The following ADARB2 variants were observed in gnomAD, a reference collection of about 807,000 sequenced individuals.
ADARB2 encodes the protein adenosine deaminase RNA specific B2 (inactive), also known as inactive double-stranded RNA-specific editase B2.
In ADARB2, 25 loss-of-function variants were observed where a neutral mutation model predicts 62.2. That is an observed-to-expected ratio of 0.40 (90% confidence interval 0.29 to 0.56). ADARB2 has a LOEUF of 0.56. ADARB2 is among the 20% of genes least tolerant of loss of function. The pLI is 0.43. For missense variants in ADARB2, 1,071 were observed against 1,077.4 expected (o/e 0.99, Z 0.08); for synonymous variants, 572 against 500.8 (o/e 1.14, Z -1.90).
intron 1 of ADARB2, among the ~76,000 whole-genome samples, chr10:1,564,605 T>C (rs1832831742): frequency 6.6e-6 from 1 of 152,028 alleles, no homozygotes; most frequent in African/African-American, 2.4e-5. Context: ...GCAAAGGTCA[T>C]GAACAGACAC....
At chr10:1,321,409 G>T (rs977484769) in intron 3 of ADARB2, among the ~76,000 whole-genome samples, 1 of 152,044 alleles carries the variant, frequency 6.6e-6, no homozygotes, top group South Asian at 2.1e-4. Context: ...TAGAGACAGG[G>T]TCTTCCTGTC....
chr10:1,284,582 A>G (rs942801685), intron 3 of ADARB2, among the ~76,000 whole-genome samples: 2 of 152,154 alleles, frequency 1.3e-5, no homozygotes, highest in African/African-American at 4.8e-5. Flanking sequence ...TATGTGAAGA[A>G]CCGTCCCATT....
intron 4 of ADARB2, among the ~76,000 whole-genome samples, chr10:1,262,316 T>TAATAATAATAAC (rs1432411152): frequency 3.6e-5 from 5 of 137,862 alleles, no homozygotes; most frequent in African/African-American, 1.5e-4. Context: ...ATAATAATAA[T>TAATAATAATAAC]AATAAAAGAA....
chr10:1,376,765 C>T (rs1050906963), intron 2 of ADARB2, among the ~76,000 whole-genome samples: 10 of 150,798 alleles, frequency 6.6e-5, no homozygotes, highest in African/African-American at 2.2e-4. Context: ...CAGCTCCAGC[C>T]GGGATCCCAG....
In ADARB2 at chr10:1,297,532, A is replaced by C. The variant is rs527249648; in HGVS notation, c.1078-26463T>G. Among the ~76,000 whole-genome samples, 8 of 152,216 alleles carry C rather than the reference A, an allele frequency of 5.3e-5. No homozygotes were observed. In the South Asian group the frequency reaches 1.5e-3, roughly 28 times the overall value. The stretch of plus-strand genomic sequence containing the variant: ...AAGACCACTGGCCGTTCAGACCCCG[A>C]AGAGCCCTCTGACCCAGAGACCCCC... On this transcript the variant is annotated intron_variant, in intron 3 of 9. Coordinates refer to ENST00000381312, the MANE Select transcript of ADARB2 (RefSeq NM_018702.4).
rs369929185 is a variant in ADARB2 at position 1,214,529 on chromosome 10, TG to T, written c.1682+2421del. On this transcript the variant is annotated intron_variant, in intron 7 of 9. Transcript: ENST00000381312. ...GTTTGCACCTGTACCCAGCGTCGCG[TG>T]GGTTTGCACCTGTGCCTGGACCTGC... Among the ~76,000 whole-genome samples, 94 of 152,064 alleles carry T rather than the reference TG, an allele frequency of 6.2e-4. 1 individual carries two copies. The South Asian group carries it at 0.012, about 19-fold the overall frequency.
intron 1 of ADARB2, among the ~76,000 whole-genome samples, chr10:1,550,529 G>A (rs904792768): frequency 3.3e-5 from 5 of 152,208 alleles, no homozygotes; most frequent in African/African-American, 4.8e-5. Flanking sequence ...GATGAAAGCC[G>A]ATGGCCCACA....
chr10:1,217,019 C>T lies in ADARB2; in HGVS notation c.1614G>A (p.Val538=). 1.2e-6 allele frequency: 2 copies of T among 1,611,730 alleles called. No homozygotes were observed. The highest frequency in any genetic ancestry group is 1.7e-4 in the Middle Eastern group (1 of 6,058). The change falls in exon 7 of 10, where the codon GTG becomes GTA. Residue 538 remains valine (V), a synonymous_variant. Transcript: ENST00000381312. ...CCAGCAGGACGCCGTCCCAGGTCTGCACTGCGCTGGGGCCACGCACGGGGA... is the reference window on the plus strand; with the variant it reads ...CCAGCAGGACGCCGTCCCAGGTCTGTACTGCGCTGGGGCCACGCACGGGGA... ...GTVPVRGPSA[V]QTWDGVLLGE...
chr10:1,590,841 G>T (rs144296895), intron 1 of ADARB2, among the ~76,000 whole-genome samples: 1 of 152,264 alleles, frequency 6.6e-6, no homozygotes, highest in Non-Finnish European at 1.5e-5. Flanking sequence ...CACGGGAAAC[G>T]CAGTCAGTAA....
At chr10:1,645,180 C>T (rs1417053514) in intron 1 of ADARB2, among the ~76,000 whole-genome samples, 1 of 152,234 alleles carries the variant, frequency 6.6e-6, no homozygotes. Flanking sequence ...GTTCTGAGCA[C>T]TTAAGACGCT....
chr10:1,532,077 TC>T (rs1011534522), intron 1 of ADARB2, among the ~76,000 whole-genome samples: 4 of 152,196 alleles, frequency 2.6e-5, no homozygotes, highest in African/African-American at 9.7e-5. Flanking sequence ...CCAGGCACTG[TC>T]CCCGAAGAGG....
rs1392347002 is a variant in ADARB2 at position 1,292,302 on chromosome 10, G to A, written c.1078-21233C>T. ...TTCACTCCCAGGGAGCATTGAAACA[G>A]AGTAGTCACAAAATAAATGTTTAGA... On this transcript the variant is annotated intron_variant, in intron 3 of 9. Coordinates refer to ENST00000381312, the MANE Select transcript of ADARB2 (RefSeq NM_018702.4). 3.3e-5 allele frequency: 5 copies of A among 152,314 alleles called. No individual in the cohort carries two copies. In the Middle Eastern group the frequency reaches 0.014, roughly 414 times the overall value. The allele number at this position is 152,314 out of a possible 1,614,324, so 9.4% of individuals were successfully genotyped here. A position where few individuals can be genotyped will look rare whatever the true frequency, so the allele number is the denominator to read the frequency against.
intron 1 of ADARB2, among the ~76,000 whole-genome samples, chr10:1,677,683 A>C (rs1202687206): frequency 6.6e-6 from 1 of 152,194 alleles, no homozygotes; most frequent in African/African-American, 2.4e-5. Flanking sequence ...TTAGATCCAC[A>C]CTACAGCTAT....
At chr10:1,637,503 G>A (rs1475704671) in intron 1 of ADARB2, among the ~76,000 whole-genome samples, 1 of 152,172 alleles carries the variant, frequency 6.6e-6, no homozygotes, top group Non-Finnish European at 1.5e-5. Flanking sequence ...TACCCTCAAT[G>A]CAGAATTTCA....
chr10:1,608,021 C>G (rs1833515615), intron 1 of ADARB2, among the ~76,000 whole-genome samples: 1 of 152,216 alleles, frequency 6.6e-6, no homozygotes, highest in Non-Finnish European at 1.5e-5. Context: ...GGGCCAAGAC[C>G]ACAGCATCCA....
chr10:1,698,253 C>G (rs575535132), intron 1 of ADARB2, among the ~76,000 whole-genome samples: 2 of 152,190 alleles, frequency 1.3e-5, no homozygotes, highest in African/African-American at 4.8e-5. Context: ...AAGTTTTCCC[C>G]TACACTGAAG....
intron 1 of ADARB2, among the ~76,000 whole-genome samples, chr10:1,657,250 T>C (rs1041731203): frequency 2.6e-5 from 4 of 152,344 alleles, no homozygotes; most frequent in Middle Eastern, 3.4e-3. Context: ...CAAAGCTCAA[T>C]GGCACAGCTC....
intron 1 of ADARB2, among the ~76,000 whole-genome samples, chr10:1,717,159 T>C (rs1020432416): frequency 6.7e-6 from 1 of 148,996 alleles, no homozygotes; most frequent in African/African-American, 2.5e-5. Context: ...TAGTGTGCTT[T>C]TTTTTTTTTT....
At chr10:1,378,220 G>T (rs114222592) in intron 2 of ADARB2, among the ~76,000 whole-genome samples, 1 of 152,124 alleles carries the variant, frequency 6.6e-6, no homozygotes. Flanking sequence ...CCGAGATGCC[G>T]CTCAGATCCC....
Sources: gnomAD v4.1 joint callset for allele counts (sites outside exome capture counted in the v4.1 genomes callset) on GRCh38, gnomAD v4.1.1 for gene constraint, MANE v1.5 for transcripts, NCBI Gene and HGNC (gene_info 2026-07-23, HGNC 2026-07-21) for gene names.